The following WDR45B variants were observed in gnomAD, a reference collection of about 807,000 sequenced individuals.
WDR45B encodes the protein WD repeat domain phosphoinositide-interacting protein 3.
WDR45B carries 20 observed loss-of-function variants against 44.6 expected under a neutral mutation model. The observed-to-expected ratio is 0.45, with a 90% CI of 0.32 to 0.65. The LOEUF (loss-of-function observed/expected upper bound fraction) is 0.65, where lower values mean the gene tolerates loss of function less well. WDR45B is among the 30% of genes least tolerant of loss of function. The probability of loss-of-function intolerance (pLI) is 0.05; values close to 1 mark genes in which losing one functional copy is unlikely to be tolerated. For missense variants in WDR45B, 323 were observed against 430.2 expected (o/e 0.75, Z 2.20); for synonymous variants, 169 against 164.9 (o/e 1.02, Z -0.19).
Position 82,625,892 on chromosome 17 carries a change from C to CT in WDR45B, c.333-410dup, listed in dbSNP as rs888478184. 5.1e-4 allele frequency: 128 copies of CT among 249,572 alleles called. 1 individual carries two copies. Among genetic ancestry groups the CT allele is most frequent in the East Asian group, 6.4e-4 (6 of 9,338 alleles). The allele number at this position is 249,572 out of a possible 1,614,324, so 15.5% of individuals were successfully genotyped here. ...AGCGTTTGCATTATTATTATTATTA[C>CT]TTTTTTTTTATAGATGGAGTCTCAC... On this transcript the variant is annotated intron_variant, in intron 4 of 9. Coordinates refer to ENST00000392325, the MANE Select transcript of WDR45B (RefSeq NM_019613.4).
chr17:82,636,041 C>A (rs373358636), intron 2 of WDR45B, among the ~76,000 whole-genome samples: 4 of 151,838 alleles, frequency 2.6e-5, no homozygotes, highest in Non-Finnish European at 5.9e-5. Flanking sequence ...GAGCCGAGAT[C>A]GCGTCACTGC....
intron 6 of WDR45B, 133 bp downstream of exon 6, chr17:82,621,476 G>GT: frequency 8.7e-7 from 1 of 1,150,794 alleles, no homozygotes; most frequent in South Asian, 1.3e-5. Context: ...GACCAGCCAG[G>GT]TCCACAGGCC....
intron 1 of WDR45B, among the ~76,000 whole-genome samples, chr17:82,646,494 A>G (rs1399052148): frequency 1.4e-5 from 2 of 142,836 alleles, no homozygotes; most frequent in Admixed American, 1.4e-4. Context: ...GTCTCAAAAA[A>G]AAAAAAAAAA....
At chr17:82,635,302 G>A (rs2045818421) in intron 2 of WDR45B, among the ~76,000 whole-genome samples, 1 of 151,662 alleles carries the variant, frequency 6.6e-6, no homozygotes, top group Non-Finnish European at 1.5e-5. Context: ...TTATGTCAAG[G>A]TCACTAATGT....
chr17:82,640,675 A>ACTT (rs2045902601), intron 2 of WDR45B, among the ~76,000 whole-genome samples: 1 of 152,184 alleles, frequency 6.6e-6, no homozygotes, highest in African/African-American at 2.4e-5. Flanking sequence ...GACGCAGAGC[A>ACTT]GCAGATGAGT....
chr17:82,639,202 C>G (rs2045877868), intron 2 of WDR45B, among the ~76,000 whole-genome samples: 1 of 151,968 alleles, frequency 6.6e-6, no homozygotes, highest in African/African-American at 2.4e-5. Context: ...TTTCCTTTAA[C>G]AATGCCATGG....
At chr17:82,632,182 AACAGGGTCTTGCTG>A (rs1177703630) in intron 2 of WDR45B, among the ~76,000 whole-genome samples, 1 of 152,048 alleles carries the variant, frequency 6.6e-6, no homozygotes, top group Non-Finnish European at 1.5e-5. Flanking sequence ...TTTTTTAAGA[AACAGGGTCTTGCTG>A]TGTTGCTCAG....
chr17:82,646,039 T>C (rs2045971000), intron 1 of WDR45B, among the ~76,000 whole-genome samples: 1 of 151,414 alleles, frequency 6.6e-6, no homozygotes, highest in Non-Finnish European at 1.5e-5. Flanking sequence ...GAGAATCGCT[T>C]GAACCCAGGA....
intron 1 of WDR45B, among the ~76,000 whole-genome samples, chr17:82,646,025 G>A (rs1051266864): frequency 3.3e-5 from 5 of 151,738 alleles, no homozygotes; most frequent in African/African-American, 2.4e-5. Flanking sequence ...GGAGCCTGAG[G>A]CAGGAGAATC....
In WDR45B at chr17:82,644,253, A is replaced by C. The variant is rs2045951080; in HGVS notation, c.68-230T>G. The C allele has an allele frequency of 3.1e-5, 18 of 574,250 alleles. No homozygotes were observed. The South Asian group carries it at 3.5e-4, about 11-fold the overall frequency. The allele number at this position is 574,250 out of a possible 1,614,324, so 35.6% of individuals were successfully genotyped here. ...GCAAAGGAGTCTTGGAGTTGTTCAC[A>C]CAACTTCCCCACTGCAGGGGCCTTC... is the stretch of plus-strand genomic sequence containing the variant. On this transcript the variant is annotated intron_variant, in intron 1 of 9. Transcript: ENST00000392325.
At chr17:82,620,997 A>C (rs2045607686) in intron 6 of WDR45B, among the ~76,000 whole-genome samples, 1 of 151,954 alleles carries the variant, frequency 6.6e-6, no homozygotes, top group African/African-American at 2.4e-5. Flanking sequence ...TGAGAATATG[A>C]CAAAGCTGTC....
At chr17:82,642,926 T>C (rs2045935096) in intron 2 of WDR45B, among the ~76,000 whole-genome samples, 1 of 152,220 alleles carries the variant, frequency 6.6e-6, no homozygotes, top group Non-Finnish European at 1.5e-5. Context: ...GTCAAGCTGT[T>C]TTAAAATGTT....
At chr17:82,645,601 T>G (rs1472105691) in intron 1 of WDR45B, among the ~76,000 whole-genome samples, 2 of 152,144 alleles carry the variant, frequency 1.3e-5, no homozygotes, top group Non-Finnish European at 2.9e-5. Flanking sequence ...TTTGGAAAAC[T>G]ATTTGTACTA....
intron 6 of WDR45B, among the ~76,000 whole-genome samples, chr17:82,619,405 GC>G (rs1222236896): frequency 6.6e-6 from 1 of 152,088 alleles, no homozygotes; most frequent in Non-Finnish European, 1.5e-5. Flanking sequence ...GACCCTGGAT[GC>G]CCGCATCCCT....
intron 6 of WDR45B, among the ~76,000 whole-genome samples, chr17:82,620,185 G>C (rs747192161): frequency 1.1e-4 from 16 of 152,364 alleles, no homozygotes; most frequent in Non-Finnish European, 2.1e-4. Context: ...TGTAATCCCA[G>C]CACTTTGGGA....
chr17:82,639,355 G>A (rs995671881), intron 2 of WDR45B, among the ~76,000 whole-genome samples: 2 of 151,884 alleles, frequency 1.3e-5, no homozygotes, highest in Non-Finnish European at 2.9e-5. Context: ...TGGAAACAGC[G>A]TTGCAAGTAA....
chr17:82,627,550 C>CCT (rs2045714631), intron 3 of WDR45B, among the ~76,000 whole-genome samples: 1 of 152,282 alleles, frequency 6.6e-6, no homozygotes, highest in African/African-American at 2.4e-5. Flanking sequence ...CCACTTGCTC[C>CCT]CTCCCCGCCC....
At chr17:82,629,401 C>A in intron 3 of WDR45B, 1 of 666,324 alleles carries the variant, frequency 1.5e-6, no homozygotes, top group Non-Finnish European at 1.9e-6. Flanking sequence ...CTGCCCTGCT[C>A]TCTCTGTGGA....
At chr17:82,618,953 C>T (rs1396548727) in intron 7 of WDR45B, 90 bp downstream of exon 7, 1 of 1,233,612 alleles carries the variant, frequency 8.1e-7, no homozygotes, top group Non-Finnish European at 1.2e-6. Context: ...GGGAGGGTGG[C>T]TGCTCCTACC....
Sources: gnomAD v4.1 joint callset for allele counts (sites outside exome capture counted in the v4.1 genomes callset) on GRCh38, gnomAD v4.1.1 for gene constraint, MANE v1.5 for transcripts, NCBI Gene and HGNC (gene_info 2026-07-23, HGNC 2026-07-21) for gene names.